SLC28A3: variants seen among roughly 807,000 people sequenced by gnomAD.
SLC28A3 encodes the protein concentrative Na(+)-nucleoside cotransporter 3.
In SLC28A3, 68 loss-of-function variants were observed where a neutral mutation model predicts 84.2. That is an observed-to-expected ratio of 0.81 (90% confidence interval 0.66 to 0.99). The LOEUF (loss-of-function observed/expected upper bound fraction) is 0.99, where lower values mean the gene tolerates loss of function less well. Ranked by LOEUF, SLC28A3 falls within the 50% of genes least tolerant of loss-of-function variation. The pLI, the probability that SLC28A3 is intolerant of heterozygous loss-of-function variation, is 0.00. For missense variants in SLC28A3, 712 were observed against 841.5 expected, an observed-to-expected ratio of 0.85 and a Z score of 1.90; for synonymous variants, 267 against 303.6, an observed-to-expected ratio of 0.88 and a Z score of 1.25.
In SLC28A3 at chr9:84,297,817, C is replaced by T. The variant is rs958949908; in HGVS notation, c.783+89G>A. ...TAAAATTTGAGACAACTCATGCAGA[C>T]AGATAAACCCATTTCTGACACGTCT... is the stretch of plus-strand genomic sequence containing the variant. On this transcript the variant is annotated intron_variant, in intron 7 of 17. Coordinates refer to ENST00000376238, the MANE Select transcript of SLC28A3 (RefSeq NM_001199633.2). 1.2e-5 allele frequency: 13 copies of T among 1,062,900 alleles called. No individual in the cohort carries two copies. In the East Asian group the frequency reaches 1.9e-4, roughly 16 times the overall value. 65.8% of individuals were successfully genotyped at this position (1,062,900 alleles called of 1,614,324 possible).
At chr9:84,313,548 G>C (rs1564166029) in intron 1 of SLC28A3, 94 bp from the exon 2 acceptor site, 2 of 947,890 alleles carry the variant, frequency 2.1e-6, no homozygotes, top group Admixed American at 4.5e-5. Flanking sequence ...TGGAGGATGA[G>C]ACAAACAAAG....
intron 3 of SLC28A3, among the ~76,000 whole-genome samples, 188 bp from the exon 4 acceptor site, chr9:84,305,533 A>T (rs181748583): frequency 5.7e-4 from 87 of 152,320 alleles, no homozygotes; most frequent in African/African-American, 2.0e-3. Context: ...GATCATGACC[A>T]TTCAGTGATC....
intron 14 of SLC28A3, among the ~76,000 whole-genome samples, chr9:84,282,157 A>C (rs1271201498): frequency 6.6e-6 from 1 of 152,108 alleles, no homozygotes; most frequent in East Asian, 1.9e-4. Flanking sequence ...TAATAATAAA[A>C]ATAAAAGAAA....
At chr9:84,311,971 G>A (rs963230823) in intron 2 of SLC28A3, among the ~76,000 whole-genome samples, 5 of 152,222 alleles carry the variant, frequency 3.3e-5, no homozygotes, top group Admixed American at 1.3e-4. Flanking sequence ...AGTTGGGATC[G>A]CACAATAGGT....
chr9:84,334,214 G>A (rs1480878956), intron 1 of SLC28A3, among the ~76,000 whole-genome samples: 1 of 152,252 alleles, frequency 6.6e-6, no homozygotes, highest in Non-Finnish European at 1.5e-5. Flanking sequence ...CAGGAGAATC[G>A]CTTGAACTGG....
rs45525131 is a variant in SLC28A3 at position 84,290,257 on chromosome 9, C to T, written c.1046G>A (p.Arg349Gln). The change falls in exon 11 of 18, where the codon CGA (arginine) becomes CAA (glutamine). Residue 349 changes from arginine (R) to glutamine (Q), a missense_variant. Coordinates refer to ENST00000376238, the MANE Select transcript of SLC28A3 (RefSeq NM_001199633.2). The stretch of plus-strand genomic sequence containing the variant: ...CTTGGTGATGTAAGGTAAATATGGT[C>T]GGACCAGCAGTGGAGACTCCGTCTG... The part of the protein sequence containing the change: ...VGQTESPLLV[R>Q]PYLPYITKSE... 28 of 1,613,828 alleles carry T rather than the reference C, an allele frequency of 1.7e-5. No individual in the cohort carries two copies. Among genetic ancestry groups the T allele is most frequent in the East Asian group, 8.9e-5 (4 of 44,862 alleles).
At chr9:84,328,323 A>G (rs2118561677) in intron 1 of SLC28A3, among the ~76,000 whole-genome samples, 1 of 151,280 alleles carries the variant, frequency 6.6e-6, no homozygotes, top group East Asian at 1.9e-4. Context: ...CTGAAAATAA[A>G]ATTAAAAAGG....
At chr9:84,359,491 T>G in the SLC28A3 span, among the ~76,000 whole-genome samples, 3 of 152,168 alleles carry the variant, frequency 2.0e-5, no homozygotes, top group Non-Finnish European at 4.4e-5. Context: ...CTGTAAGAAC[T>G]GACACAAAAG....
At position 84,318,594 on chromosome 9, in the gene SLC28A3, C is replaced by T. The variant is rs543146300; in HGVS notation, c.61-5140G>A. 9.2e-5 allele frequency among the ~76,000 whole-genome samples: 14 copies of T among 152,242 alleles called. 1 individual carries two copies. Among genetic ancestry groups the T allele is most frequent in the African/African-American group, 3.1e-4 (13 of 41,560 alleles). ...CATAGAATATGGTTTCCAGGCCGGG[C>T]GTGGTGACTCACCCCTGTAATCCCA... On this transcript the variant is annotated intron_variant, in intron 1 of 17. Coordinates refer to ENST00000376238, the MANE Select transcript of SLC28A3 (RefSeq NM_001199633.2).
chr9:84,285,892 A>G (rs764214162), intron 13 of SLC28A3, 51 bp downstream of exon 13: 6 of 1,562,488 alleles, frequency 3.8e-6, no homozygotes, highest in Non-Finnish European at 5.2e-6. Context: ...TTATTTTTAA[A>G]CAAAGATAGG....
chr9:84,365,400 G>A, the SLC28A3 span, among the ~76,000 whole-genome samples: 9 of 152,076 alleles, frequency 5.9e-5, no homozygotes, highest in Non-Finnish European at 1.2e-4. Flanking sequence ...AGTTGTTTGA[G>A]CTCCTTATAT....
intron 16 of SLC28A3, among the ~76,000 whole-genome samples, chr9:84,279,588 C>T (rs913815505): frequency 3.3e-5 from 5 of 152,090 alleles, no homozygotes; most frequent in East Asian, 1.9e-4. Context: ...ATTACAGGCA[C>T]GCACCCAGCT....
intron 4 of SLC28A3, among the ~76,000 whole-genome samples, chr9:84,304,237 T>C (rs2118330678): frequency 6.6e-6 from 1 of 152,300 alleles, no homozygotes; most frequent in African/African-American, 2.4e-5. Context: ...CTGAAAAGCC[T>C]AAAATACTAT....
At chr9:84,288,248 G>A (rs1261529233) in intron 11 of SLC28A3, 70 bp from the exon 12 acceptor site, 9 of 1,601,294 alleles carry the variant, frequency 5.6e-6, no homozygotes, top group African/African-American at 1.3e-5. Flanking sequence ...AAGGGTCCAA[G>A]AGCTCCGCAA....
upstream of SLC28A3, among the ~76,000 whole-genome samples, chr9:84,342,577 TA>T (rs1196850477): frequency 8.0e-6 from 1 of 124,612 alleles, no homozygotes; most frequent in Non-Finnish European, 1.5e-5. Context: ...CACCCATGGC[TA>T]AATTTTTTTT....
chr9:84,327,462 C>G (rs190377439), intron 1 of SLC28A3, among the ~76,000 whole-genome samples: 1 of 151,884 alleles, frequency 6.6e-6, no homozygotes, highest in Non-Finnish European at 1.5e-5. Context: ...CTTAAATTAT[C>G]CTAGTTCTGT....
intron 10 of SLC28A3, 193 bp downstream of exon 10, chr9:84,292,475 G>C (rs7357629): frequency 0.053 from 19,927 of 374,916 alleles, 458 homozygotes; most frequent in South Asian, 0.097. Context: ...CTCTCTCTCT[G>C]TCTCTCTCTC....
chr9:84,292,463 G>GTCTC (rs539592818), intron 10 of SLC28A3: 74,244 of 498,730 alleles, frequency 0.15, 10,039 homozygotes, highest in African/African-American at 0.52. Context: ...CTGTCTCTCT[G>GTCTC]TCTCTCTCTC....
chr9:84,280,675 A>T, intron 15 of SLC28A3, 126 bp downstream of exon 15: 1 of 837,982 alleles, frequency 1.2e-6, no homozygotes, highest in Non-Finnish European at 1.9e-6. Context: ...AAAAAAATAG[A>T]CCCCAGAGGA....
Sources: gnomAD v4.1 joint callset for allele counts (sites outside exome capture counted in the v4.1 genomes callset) on GRCh38, gnomAD v4.1.1 for gene constraint, MANE v1.5 for transcripts, NCBI Gene and HGNC (gene_info 2026-07-23, HGNC 2026-07-21) for gene names.